NYAP1: variants seen among roughly 807,000 people sequenced by gnomAD.
The protein encoded by NYAP1 is neuronal tyrosine phosphorylated phosphoinositide-3-kinase adaptor 1, also known as neuronal tyrosine-phosphorylated phosphoinositide-3-kinase adapter 1.
In NYAP1, 20 loss-of-function variants were observed where a neutral mutation model predicts 58.6. The observed-to-expected ratio is 0.34, with a 90% CI of 0.24 to 0.50. The LOEUF is 0.50. Among genes scored for constraint, NYAP1 ranks in the 20% least tolerant of loss-of-function variants. NYAP1 has a pLI of 0.98. For synonymous variants in NYAP1, 572 were observed against 523.1 expected, an observed-to-expected ratio of 1.09 and a Z score of -1.27; for missense variants, 1,150 against 1,194.5, an observed-to-expected ratio of 0.96 and a Z score of 0.55.
At chr7:100,491,544 C>A (rs1799795670) in intron 6 of NYAP1, among the ~76,000 whole-genome samples, 1 of 151,764 alleles carries the variant, frequency 6.6e-6, no homozygotes, top group South Asian at 2.1e-4. Context: ...TTGCATTGAG[C>A]CATGATCACG....
chr7:100,490,758 A>G lies in NYAP1; in HGVS notation c.2158+29A>G. 2 of 1,462,022 alleles carry G rather than the reference A, an allele frequency of 1.4e-6. No individual in the cohort carries two copies. Among genetic ancestry groups the G allele is most frequent in the Non-Finnish European group, 1.8e-6 (2 of 1,099,446 alleles). The allele number at this position is 1,462,022 out of a possible 1,614,324, so 90.6% of individuals were successfully genotyped here. A position where few individuals can be genotyped will look rare whatever the true frequency, so the allele number is the denominator to read the frequency against. ...ACGCGGCCTGCACACACCTGTGCAC[A>G]GCGGGGCTGGCTGGGGGATCTCCCG... On this transcript the variant is annotated intron_variant, in intron 5 of 6. Transcript: ENST00000300179. This position sits in a 1 kb window ranked among gnomAD's most constrained non-coding sequence, Gnocchi z 4.6.
chr7:100,492,414 A>G (rs535723038), intron 6 of NYAP1, among the ~76,000 whole-genome samples: 119 of 152,122 alleles, frequency 7.8e-4, no homozygotes, highest in Admixed American at 2.3e-3. Flanking sequence ...ACTAGCCAAC[A>G]GCACACCTTT....
chr7:100,490,522 G>A lies in NYAP1; in HGVS notation c.1951G>A (p.Glu651Lys), dbSNP rs751071105. 1.2e-5 allele frequency: 19 copies of A among 1,581,880 alleles called. No homozygotes were observed. The highest frequency in any genetic ancestry group is 2.7e-5 in the African/African-American group (2 of 74,416). ...TCTCCTTGTCATCCCAGCAGAGGTC[G>A]AGGACGGTGCCCGGGCCTGGAATGG... ...GRKAKELDKV[E>K]DGARAWNGSA... The change falls in exon 5 of 7, where the codon GAG becomes AAG. Residue 651 changes from glutamate to lysine, a missense_variant. Glu to Lys is a moderately conservative substitution (Grantham distance 56, BLOSUM62 1). Transcript: ENST00000300179. This position sits in a 1 kb window ranked among gnomAD's most constrained non-coding sequence, Gnocchi z 4.6.
In NYAP1 at chr7:100,487,258, CG is replaced by C; in HGVS notation, c.430+79del. 7.2e-7 allele frequency: 1 copy of C among 1,396,316 alleles called. No individual in the cohort carries two copies. The highest frequency in any genetic ancestry group is 9.4e-7 in the Non-Finnish European group (1 of 1,061,880). 86.5% of individuals were successfully genotyped at this position (1,396,316 alleles called of 1,614,324 possible). A position where few individuals can be genotyped will look rare whatever the true frequency, so the allele number is the denominator to read the frequency against. ...CTATTCCACGCCCGGGGAGGCTTGC[CG>C]GGAGGGTTCATTCAGGGAAGAACCA... On this transcript the variant is annotated intron_variant, in intron 3 of 6. Coordinates refer to ENST00000300179, the MANE Select transcript of NYAP1 (RefSeq NM_173564.4). The surrounding 1 kb of genome is among the most constrained non-coding windows in gnomAD (Gnocchi z 4.1).
Position 100,488,278 on chromosome 7 carries a change from C to T in NYAP1, c.557C>T (p.Pro186Leu). The T allele has an allele frequency of 1.9e-6, 3 of 1,613,788 alleles. No homozygotes were observed. In the Middle Eastern group the frequency reaches 5.0e-4, roughly 266 times the overall value. ...GAGTCCTGCCCCCCAGGCCCCTCTC[C>T]TCGAGGGGGGAACCTGCCTCTTCAG... The part of the protein sequence containing the change: ...FDESCPPGPS[P>L]RGGNLPLQRL... The change falls in exon 4 of 7, where the codon CCT becomes CTT. Residue 186 changes from proline (P) to leucine (L), a missense_variant. Coordinates refer to ENST00000300179, the MANE Select transcript of NYAP1 (RefSeq NM_173564.4). This position sits in a 1 kb window ranked among gnomAD's most constrained non-coding sequence, Gnocchi z 5.9.
Position 100,491,016 on chromosome 7 carries a change from C to T in NYAP1, c.2189C>T (p.Ser730Phe). 2 of 1,556,100 alleles carry T rather than the reference C, an allele frequency of 1.3e-6. No homozygotes were observed. The highest frequency in any genetic ancestry group is 1.7e-6 in the Non-Finnish European group (2 of 1,149,598). Reference protein sequence around the residue: ...DFTGGYRLGRSASTSGVRQVV... With the variant: ...DFTGGYRLGRFASTSGVRQVV... Reference sequence around the variant, plus strand: ...ACGGGAGGCTACCGCCTGGGGCGCTCCGCCTCCACCTCCGGAGTCCGGCAG... The same window carrying T: ...ACGGGAGGCTACCGCCTGGGGCGCTTCGCCTCCACCTCCGGAGTCCGGCAG... The change falls in exon 6 of 7, where the codon TCC becomes TTC. Residue 730 changes from serine (S) to phenylalanine (F), a missense_variant. Physicochemically the swap from Ser to Phe is radical, Grantham distance 155. Coordinates refer to ENST00000300179, the MANE Select transcript of NYAP1 (RefSeq NM_173564.4).
In NYAP1 at chr7:100,485,193, CT is replaced by C. The variant is rs1317996731; in HGVS notation, c.-84-27del. ...CCTGGCCCCCACCCATCCCACCTTTCTTTTTTTTCCGTTCTCACCCACCCCG... is the reference window on the plus strand; with the variant it reads ...CCTGGCCCCCACCCATCCCACCTTTCTTTTTTTCCGTTCTCACCCACCCCG... On this transcript the variant is annotated intron_variant, in intron 1 of 6. Coordinates refer to ENST00000300179, the MANE Select transcript of NYAP1 (RefSeq NM_173564.4). The surrounding 1 kb of genome is among the most constrained non-coding windows in gnomAD (Gnocchi z 5.7). 17 of 603,552 alleles carry C rather than the reference CT, an allele frequency of 2.8e-5. No individual in the cohort carries two copies. The highest frequency in any genetic ancestry group is 4.5e-5 in the Non-Finnish European group (15 of 331,806). The allele number at this position is 603,552 out of a possible 1,614,324, so 37.4% of individuals were successfully genotyped here.
Position 100,493,704 on chromosome 7 carries a change from A to G in NYAP1, c.2327A>G (p.Asp776Gly). The change falls in exon 7 of 7, where the codon GAC becomes GGC. Residue 776 changes from aspartate to glycine, a missense_variant. Coordinates refer to ENST00000300179, the MANE Select transcript of NYAP1 (RefSeq NM_173564.4). ...PLPPQPARER[D>G]GKLLEVIERK... is the part of the protein sequence containing the mutation. ...CCGCCCCAGCCGGCCCGCGAGCGTG[A>G]CGGGAAGCTGCTGGAGGTGATCGAG... 2 of 1,597,506 alleles carry G rather than the reference A, an allele frequency of 1.3e-6. No individual in the cohort carries two copies. Among genetic ancestry groups the G allele is most frequent in the Non-Finnish European group, 1.7e-6 (2 of 1,175,642 alleles).
rs1216013819 is a variant in NYAP1, at chr7:100,494,513, A to C, written c.*610A>C. 1 of 152,262 alleles carries C rather than the reference A, an allele frequency of 6.6e-6. No individual in the cohort carries two copies. The highest frequency in any genetic ancestry group is 2.4e-5 in the African/African-American group (1 of 41,264). 9.4% of individuals were successfully genotyped at this position (152,262 alleles called of 1,614,324 possible). A position where few individuals can be genotyped will look rare whatever the true frequency, so the allele number is the denominator to read the frequency against. ...GCATGGGGAGTGGACCGAGAGAAGA[A>C]GGGGCCCAGGGAAGCAGAGGGCCCA... On this transcript the variant is annotated 3_prime_UTR_variant, in exon 7 of 7. Transcript: ENST00000300179.
chr7:100,491,902 C>T (rs970963185), intron 6 of NYAP1, among the ~76,000 whole-genome samples: 1 of 152,134 alleles, frequency 6.6e-6, no homozygotes, highest in Non-Finnish European at 1.5e-5. Context: ...CAAAAATTAG[C>T]CGGGCGTGGT....
In NYAP1 at chr7:100,494,021, C is replaced by T; in HGVS notation, c.*118C>T. 2 of 908,848 alleles carry T rather than the reference C, an allele frequency of 2.2e-6. No homozygotes were observed. Among genetic ancestry groups the T allele is most frequent in the Non-Finnish European group, 3.1e-6 (2 of 646,646 alleles). 56.3% of individuals were successfully genotyped at this position (908,848 alleles called of 1,614,324 possible). A position where few individuals can be genotyped will look rare whatever the true frequency, so the allele number is the denominator to read the frequency against. On this transcript the variant is annotated 3_prime_UTR_variant, in exon 7 of 7. Transcript: ENST00000300179. ...CTACGTGGGAGAGTGCCAGGGAGAACCCCTGCCCTCCAACCTACCCCCCGG... is the reference window on the plus strand; with the variant it reads ...CTACGTGGGAGAGTGCCAGGGAGAATCCCTGCCCTCCAACCTACCCCCCGG...
At position 100,489,049 on chromosome 7, in the gene NYAP1, C is replaced by G. The variant is rs535743946; in HGVS notation, c.1328C>G (p.Pro443Arg). 2 of 1,543,390 alleles carry G rather than the reference C, an allele frequency of 1.3e-6. No individual in the cohort carries two copies. The highest frequency in any genetic ancestry group is 1.2e-5 in the South Asian group (1 of 84,746). ...PKAAGAPAAP[P>R]APAALLPGPP... ...GCGGCGGGGGCGCCGGCAGCCCCCC[C>G]TGCCCCGGCCGCCTTGCTCCCCGGC... Residue 443 changes from proline (P) to arginine (R), a missense_variant, in exon 4 of 7, where the codon CCT becomes CGT. Transcript: ENST00000300179.
In NYAP1 at chr7:100,485,161, A is replaced by C. The variant is rs1799687190; in HGVS notation, c.-84-67A>C. 1.7e-6 allele frequency: 1 copy of C among 598,694 alleles called. No homozygotes were observed. Among genetic ancestry groups the C allele is most frequent in the African/African-American group, 1.9e-5 (1 of 53,096 alleles). 37.1% of individuals were successfully genotyped at this position (598,694 alleles called of 1,614,324 possible). A position where few individuals can be genotyped will look rare whatever the true frequency, so the allele number is the denominator to read the frequency against. On this transcript the variant is annotated intron_variant, in intron 1 of 6. Coordinates refer to ENST00000300179, the MANE Select transcript of NYAP1 (RefSeq NM_173564.4). The surrounding 1 kb of genome is among the most constrained non-coding windows in gnomAD (Gnocchi z 5.7). ...GTCTCTTCTCCGTTTTCTCTCTTTC[A>C]TTCATCCCTGGCCCCCACCCATCCC... is the stretch of plus-strand genomic sequence containing the variant.
In NYAP1 at chr7:100,486,069, C is replaced by A. The variant is rs1799698509; in HGVS notation, c.68+690C>A. Among the ~76,000 whole-genome samples, 1 of 152,138 alleles carries A rather than the reference C, an allele frequency of 6.6e-6. No homozygotes were observed. The highest frequency in any genetic ancestry group is 2.4e-5 in the African/African-American group (1 of 41,414). On this transcript the variant is annotated intron_variant, in intron 2 of 6. Transcript: ENST00000300179. This position sits in a 1 kb window ranked among gnomAD's most constrained non-coding sequence, Gnocchi z 6.2. ...TTCCTCGCAACTGTGGAGTTTAATT[C>A]TTGTTGTTAATTAGATTAATCAGAG...
rs1275758070 is a variant in NYAP1 at position 100,487,486 on chromosome 7, C to T, written c.430+304C>T. Among the ~76,000 whole-genome samples the T allele has an allele frequency of 1.3e-5, 2 of 151,224 alleles. No homozygotes were observed. The highest frequency in any genetic ancestry group is 2.9e-5 in the Non-Finnish European group (2 of 67,888). ...GAGGGCTGTGGGACAAGCCCCGTGGCTCACGCCCGTAATCTCAGCACTTTT... is the reference window on the plus strand; with the variant it reads ...GAGGGCTGTGGGACAAGCCCCGTGGTTCACGCCCGTAATCTCAGCACTTTT... On this transcript the variant is annotated intron_variant, in intron 3 of 6. Transcript: ENST00000300179. This position sits in a 1 kb window ranked among gnomAD's most constrained non-coding sequence, Gnocchi z 4.1.
Position 100,490,560 on chromosome 7 carries a change from T to G in NYAP1, c.1989T>G (p.Gly663=), listed in dbSNP as rs781749317. 30 of 1,587,948 alleles carry G rather than the reference T, an allele frequency of 1.9e-5. No homozygotes were observed. The highest frequency in any genetic ancestry group is 2.5e-5 in the Non-Finnish European group (29 of 1,167,682). The part of the protein sequence containing the change: ...GARAWNGSAE[G]PGKVEREDRG... ...GGGCCTGGAATGGCAGTGCCGAGGG[T>G]CCAGGCAAGGTGGAGCGTGAGGACA... Residue 663 remains glycine (G), a synonymous_variant, in exon 5 of 7, where the codon GGT becomes GGG. Transcript: ENST00000300179. The surrounding 1 kb of genome is among the most constrained non-coding windows in gnomAD (Gnocchi z 4.6).
rs769617753 is a variant in NYAP1 at position 100,488,852 on chromosome 7, A to G, written c.1131A>G (p.Ala377=). 6.3e-7 allele frequency: 1 copy of G among 1,598,196 alleles called. No homozygotes were observed. The highest frequency in any genetic ancestry group is 8.5e-7 in the Non-Finnish European group (1 of 1,173,978). ...CCACCCCAGCTCCCCAAGTGCCTGC[A>G]CGGGAGCGGGAGACGCCTCCCCCAC... ...AGSTPAPQVP[A]RERETPPPPP... is the part of the protein sequence containing the mutation. The change falls in exon 4 of 7, where the codon GCA becomes GCG. Residue 377 remains alanine (A), a synonymous_variant. Coordinates refer to ENST00000300179, the MANE Select transcript of NYAP1 (RefSeq NM_173564.4). The surrounding 1 kb of genome is among the most constrained non-coding windows in gnomAD (Gnocchi z 5.9).
rs774460603 is a variant in NYAP1 at position 100,485,274 on chromosome 7, G to C, written c.-38G>C. ...GCCGCCCCCCGGGCCTGGTGGCACTGAGCAGGGCCCCCCAGCCCCCACCTC... is the reference window on the plus strand; with the variant it reads ...GCCGCCCCCCGGGCCTGGTGGCACTCAGCAGGGCCCCCCAGCCCCCACCTC... On this transcript the variant is annotated 5_prime_UTR_variant, in exon 2 of 7. Coordinates refer to ENST00000300179, the MANE Select transcript of NYAP1 (RefSeq NM_173564.4). This position sits in a 1 kb window ranked among gnomAD's most constrained non-coding sequence, Gnocchi z 5.7. 4 of 1,459,830 alleles carry C rather than the reference G, an allele frequency of 2.7e-6. No individual in the cohort carries two copies. The highest frequency in any genetic ancestry group is 3.8e-6 in the Non-Finnish European group (4 of 1,058,832). The allele number at this position is 1,459,830 out of a possible 1,614,324, so 90.4% of individuals were successfully genotyped here.
In NYAP1 at chr7:100,489,200, G is replaced by T. The variant is rs911208051; in HGVS notation, c.1479G>T (p.Ser493=). 1 of 1,610,228 alleles carries T rather than the reference G, an allele frequency of 6.2e-7. No homozygotes were observed. Among genetic ancestry groups the T allele is most frequent in the East Asian group, 2.2e-5 (1 of 44,804 alleles). Residue 493 remains serine, a synonymous_variant, in exon 4 of 7, where the codon TCG becomes TCT. Transcript: ENST00000300179. ...AGCCAAAGACGGAGAAGGAGATCTC[G>T]GTCCTCCATGGGATGCTGTGTACCA... is the stretch of plus-strand genomic sequence containing the variant. The part of the protein sequence containing the change: ...AGEPKTEKEI[S]VLHGMLCTSS...
Sources: allele counts gnomAD v4.1 joint callset (sites outside exome capture counted in the v4.1 genomes callset), GRCh38; gene constraint gnomAD v4.1.1; non-coding constraint Gnocchi (gnomAD v3.1); transcripts MANE v1.5; gene names NCBI Gene and HGNC (gene_info 2026-07-23, HGNC 2026-07-21).